TRIM37: variants seen among roughly 807,000 people sequenced by gnomAD.
TRIM37 encodes tripartite motif containing 37, also known as E3 ubiquitin-protein ligase TRIM37.
Under a neutral mutation model 129.8 loss-of-function variants are expected in TRIM37, and 80 were observed. That is an observed-to-expected ratio of 0.62 (90% confidence interval 0.51 to 0.74). TRIM37 has a LOEUF of 0.74. Ranked by LOEUF, TRIM37 falls within the 30% of genes least tolerant of loss-of-function variation. The pLI is 0.00. For synonymous variants in TRIM37, 389 were observed against 387.1 expected (o/e 1.00, Z -0.06); for missense variants, 1,054 against 1,176.5 (o/e 0.90, Z 1.52).
intron 12 of TRIM37, among the ~76,000 whole-genome samples, chr17:59,057,618 G>C (rs2041081883): frequency 6.6e-6 from 1 of 152,214 alleles, no homozygotes; most frequent in South Asian, 2.1e-4. Flanking sequence ...CTGCCCCCCA[G>C]TTCAAGTGAT....
chr17:59,068,462 G>A (rs1399770972), intron 9 of TRIM37, among the ~76,000 whole-genome samples: 1 of 152,092 alleles, frequency 6.6e-6, no homozygotes, highest in Non-Finnish European at 1.5e-5. Flanking sequence ...TGACCCTTAG[G>A]TCAAAATCTG....
At position 59,037,448 on chromosome 17, in the gene TRIM37, T is replaced by C. The variant is rs1009310350; in HGVS notation, c.1753+4365A>G. Among the ~76,000 whole-genome samples, 3 of 149,356 alleles carry C rather than the reference T, an allele frequency of 2.0e-5. 1 individual carries two copies. Among genetic ancestry groups the C allele is most frequent in the South Asian group, 4.2e-4 (2 of 4,724 alleles). On this transcript the variant is annotated intron_variant, in intron 17 of 23. Coordinates refer to ENST00000262294, the MANE Select transcript of TRIM37 (RefSeq NM_015294.6). Reference sequence around the variant, plus strand: ...TGGCGGGCGCCTGTAGTCCCAGCTATTCGGGAGGCTGAAGCAGGAGAATGG... The same window carrying C: ...TGGCGGGCGCCTGTAGTCCCAGCTACTCGGGAGGCTGAAGCAGGAGAATGG...
chr17:59,046,258 T>C (rs1393798489), intron 16 of TRIM37, among the ~76,000 whole-genome samples: 1 of 152,138 alleles, frequency 6.6e-6, no homozygotes, highest in East Asian at 1.9e-4. Context: ...AAGATACTTA[T>C]TAATTATAAA....
chr17:58,987,544 T>C (rs1401888435), intron 24 of TRIM37, among the ~76,000 whole-genome samples: 1 of 152,234 alleles, frequency 6.6e-6, no homozygotes, highest in Non-Finnish European at 1.5e-5. Context: ...CAAACTACAC[T>C]GTGGCTAATC....
intron 19 of TRIM37, among the ~76,000 whole-genome samples, chr17:59,025,186 T>C (rs1381090522): frequency 6.6e-6 from 1 of 152,054 alleles, no homozygotes; most frequent in Non-Finnish European, 1.5e-5. Flanking sequence ...GTTTCATTCA[T>C]TTGGGGAAAA....
At chr17:58,988,903 G>C (rs1391616693) in intron 24 of TRIM37, among the ~76,000 whole-genome samples, 1 of 152,050 alleles carries the variant, frequency 6.6e-6, no homozygotes, top group African/African-American at 2.4e-5. Flanking sequence ...TTTGGTTCTT[G>C]CCATTAAAAA....
At chr17:59,050,100 C>T (rs2040197178) in intron 14 of TRIM37, among the ~76,000 whole-genome samples, 1 of 152,146 alleles carries the variant, frequency 6.6e-6, no homozygotes, top group Non-Finnish European at 1.5e-5. Context: ...CCTTAGTTTA[C>T]CACTGTAAAA....
At chr17:59,013,874 A>C (rs1567973434) in intron 21 of TRIM37, among the ~76,000 whole-genome samples, 1 of 152,054 alleles carries the variant, frequency 6.6e-6, no homozygotes, top group Non-Finnish European at 1.5e-5. Flanking sequence ...TAAATCAGGC[A>C]GGAAAAAAAA....
chr17:59,071,099 A>C (rs1207014047), intron 8 of TRIM37, 152 bp from the exon 9 acceptor site: 1 of 875,484 alleles, frequency 1.1e-6, no homozygotes, highest in Non-Finnish European at 1.7e-6. Context: ...TGTACAAAGA[A>C]TCTAGGTTTA....
rs532325984 is a variant in TRIM37, at chr17:59,015,642, C to G, written c.2544G>C (p.Ala848=). The G allele has an allele frequency of 6.2e-7, 1 of 1,614,008 alleles. No homozygotes were observed. Among genetic ancestry groups the G allele is most frequent in the Admixed American group, 1.7e-5 (1 of 59,996 alleles). ...TGACCATTTTCCTCCTTTTCTCAAC[C>G]GCAGGCAAGCCACTGAAAACTGCAA... ...VVVAVFSGLP[A]VEKRRKMVTL... Residue 848 remains alanine (A), a synonymous_variant, in exon 21 of 24, where the codon GCG becomes GCC. Transcript: ENST00000262294.
chr17:59,055,685 CAAAAAAAAAAAAA>C (rs934273591), intron 13 of TRIM37, among the ~76,000 whole-genome samples: 1 of 23,852 alleles, frequency 4.2e-5, no homozygotes, highest in Admixed American at 3.7e-4. Flanking sequence ...GACTCCATCT[CAAAAAAAAAAAAA>C]AAAAAAAAAA....
intron 4 of TRIM37, among the ~76,000 whole-genome samples, chr17:59,085,817 C>CA (rs34925649): frequency 5.3e-5 from 8 of 151,334 alleles, no homozygotes; most frequent in Non-Finnish European, 1.0e-4. Context: ...GATGAATGGA[C>CA]AAAAAAAATG....
At chr17:59,104,593 T>C in intron 1 of TRIM37, 199 bp from the exon 2 acceptor site, 2 of 739,362 alleles carry the variant, frequency 2.7e-6, no homozygotes, top group South Asian at 1.4e-5. Flanking sequence ...GGTTTCACGA[T>C]GATTCTATTC....
intron 13 of TRIM37, among the ~76,000 whole-genome samples, chr17:59,056,500 C>A (rs542296102): frequency 6.6e-6 from 1 of 151,704 alleles, no homozygotes; most frequent in East Asian, 1.9e-4. Context: ...GAGGCCGAGG[C>A]GGGCGGATCA....
At chr17:58,978,747 A>G (rs2031180986), downstream of TRIM37, among the ~76,000 whole-genome samples, 1 of 152,142 alleles carries the variant, frequency 6.6e-6, no homozygotes, top group Non-Finnish European at 1.5e-5. Context: ...TTGTAGTCAT[A>G]AGCTATTTGG....
chr17:59,042,447 A>T (rs1464221822), intron 16 of TRIM37, among the ~76,000 whole-genome samples: 4,995 of 37,128 alleles, frequency 0.13, 163 homozygotes, highest in East Asian at 0.27. Context: ...AAAAAAAAAA[A>T]AAATATATAT....
rs528804109 is a variant in TRIM37 at position 58,999,149 on chromosome 17, A to C, written c.*228T>G. The C allele has an allele frequency of 4.5e-5, 61 of 1,363,206 alleles. No individual in the cohort carries two copies. The African/African-American group carries it at 8.2e-4, about 18-fold the overall frequency. The allele number at this position is 1,363,206 out of a possible 1,614,324, so 84.4% of individuals were successfully genotyped here. On this transcript the variant is annotated 3_prime_UTR_variant, in exon 24 of 24. Coordinates refer to ENST00000262294, the MANE Select transcript of TRIM37 (RefSeq NM_015294.6). The stretch of plus-strand genomic sequence containing the variant: ...TAAATTAATAGAGAACTACATTGTT[A>C]TTTCCTTACATTACAAAGAACTCTT...
downstream of TRIM37, among the ~76,000 whole-genome samples, chr17:58,977,807 A>G (rs1386480918): frequency 6.6e-6 from 1 of 152,152 alleles, no homozygotes; most frequent in Non-Finnish European, 1.5e-5. Flanking sequence ...CAGTGGCGCA[A>G]TCTGGGCTCA....
intron 24 of TRIM37, chr17:58,983,667 T>C (rs1008846589): frequency 6.6e-6 from 1 of 152,658 alleles, no homozygotes; most frequent in Non-Finnish European, 1.5e-5. Context: ...TGCTGAGGTA[T>C]AGTCTGTGAA....
Sources: allele counts gnomAD v4.1 joint callset (sites outside exome capture counted in the v4.1 genomes callset), GRCh38; gene constraint gnomAD v4.1.1; transcripts MANE v1.5; gene names NCBI Gene and HGNC (gene_info 2026-07-23, HGNC 2026-07-21).